The following ADK variants were observed in gnomAD, a reference collection of about 807,000 sequenced individuals.
ADK encodes the protein N6,N6-dimethyladenosine kinase.
In ADK, 24 loss-of-function variants were observed where a neutral mutation model predicts 44.7. The ratio of observed to expected loss-of-function variants is 0.54; its 90% CI spans 0.39 to 0.76. The LOEUF (loss-of-function observed/expected upper bound fraction) is 0.76, where lower values mean the gene tolerates loss of function less well. Ranked by LOEUF, ADK falls within the 30% of genes least tolerant of loss-of-function variation. The probability of loss-of-function intolerance (pLI) is 0.00; values close to 1 mark genes in which losing one functional copy is unlikely to be tolerated. For synonymous variants in ADK, 128 were observed against 142.6 expected (o/e 0.90, Z 0.73); for missense variants, 321 against 425.1 (o/e 0.76, Z 2.15).
intron 6 of ADK, among the ~76,000 whole-genome samples, chr10:74,416,203 A>G (rs1294395046): frequency 6.6e-6 from 1 of 151,958 alleles, no homozygotes; most frequent in Non-Finnish European, 1.5e-5. Flanking sequence ...AAATGAGAGG[A>G]CAACGTTTTT....
intron 6 of ADK, among the ~76,000 whole-genome samples, chr10:74,463,818 CTAA>C (rs1160306191): frequency 2.0e-5 from 3 of 151,872 alleles, no homozygotes; most frequent in Non-Finnish European, 2.9e-5. Flanking sequence ...TTACGTCTTT[CTAA>C]ACTGCCTTAA....
At chr10:74,686,302 T>C (rs1249838363) in intron 10 of ADK, among the ~76,000 whole-genome samples, 1 of 152,178 alleles carries the variant, frequency 6.6e-6, no homozygotes, top group Non-Finnish European at 1.5e-5. Flanking sequence ...CATTAACTAG[T>C]TGTGGGACTG....
At chr10:74,520,457 T>C (rs901611977) in intron 6 of ADK, among the ~76,000 whole-genome samples, 3 of 151,980 alleles carry the variant, frequency 2.0e-5, no homozygotes, top group Non-Finnish European at 4.4e-5. Flanking sequence ...CATAGTTGTG[T>C]ATGCACACAT....
At chr10:74,369,438 T>A (rs1320877610) in intron 4 of ADK, among the ~76,000 whole-genome samples, 1 of 152,228 alleles carries the variant, frequency 6.6e-6, no homozygotes, top group African/African-American at 2.4e-5. Flanking sequence ...AGTATTTTTT[T>A]ATTCATTAAA....
rs200462579 is a variant in ADK at position 74,321,238 on chromosome 10, A to AT, written c.273+6501dup. Among the ~76,000 whole-genome samples, 19 of 151,560 alleles carry AT rather than the reference A, an allele frequency of 1.3e-4. No homozygotes were observed. The East Asian group carries it at 1.9e-3, about 15-fold the overall frequency. On this transcript the variant is annotated intron_variant, in intron 4 of 10. Transcript: ENST00000539909. ...ATATAAGCAGGTAATCATTTGAATCATTTTTTTTCCTGTAATTATTATAAC... is the reference window on the plus strand; with the variant it reads ...ATATAAGCAGGTAATCATTTGAATCATTTTTTTTTCCTGTAATTATTATAAC...
chr10:74,607,277 T>A (rs1241915317), intron 9 of ADK, among the ~76,000 whole-genome samples: 1 of 152,232 alleles, frequency 6.6e-6, no homozygotes, highest in Admixed American at 6.5e-5. Flanking sequence ...GTCATTATGA[T>A]GCTAGCTGGT....
chr10:74,587,596 C>A (rs1041089689), intron 7 of ADK, among the ~76,000 whole-genome samples: 1 of 152,180 alleles, frequency 6.6e-6, no homozygotes, highest in Non-Finnish European at 1.5e-5. Flanking sequence ...CCTTACATGG[C>A]TTGATGCTAC....
At chr10:74,528,051 CTT>C in intron 7 of ADK, 1 of 966,796 alleles carries the variant, frequency 1.0e-6, no homozygotes, top group Non-Finnish European at 1.7e-6. Flanking sequence ...AGAGTAAACT[CTT>C]AAGATAAAAT....
At chr10:74,595,176 CA>C (rs781407492) in intron 8 of ADK, among the ~76,000 whole-genome samples, 1,560 of 29,606 alleles carry the variant, frequency 0.053, 15 homozygotes, top group African/African-American at 0.13. Context: ...AACTCCATCT[CA>C]AAAAAAAAAA....
intron 2 of ADK, among the ~76,000 whole-genome samples, chr10:74,210,328 A>G (rs1428005092): frequency 1.1e-5 from 1 of 88,704 alleles, no homozygotes; most frequent in Non-Finnish European, 2.4e-5. Context: ...ACTCCATCTC[A>G]GGAAAAAAAA....
At position 74,554,783 on chromosome 10, in the gene ADK, T is replaced by TAAA. The variant is rs530734494; in HGVS notation, c.726+29371_726+29373dup. 1.4e-3 allele frequency among the ~76,000 whole-genome samples: 197 copies of TAAA among 137,966 alleles called. 1 individual carries two copies. The highest frequency in any genetic ancestry group is 4.8e-3 in the African/African-American group (183 of 37,752). The allele number at this position is 137,966 out of a possible 152,430, so 90.5% of individuals were successfully genotyped here. A position where few individuals can be genotyped will look rare whatever the true frequency, so the allele number is the denominator to read the frequency against. On this transcript the variant is annotated intron_variant, in intron 7 of 10. Coordinates refer to ENST00000539909, the MANE Select transcript of ADK (RefSeq NM_006721.4). The stretch of plus-strand genomic sequence containing the variant: ...AACATGGCAAGACCTTGTCTCTATT[T>TAAA]AAAAAAAAAAAAAAAATTGTTGTAG...
intron 1 of ADK, among the ~76,000 whole-genome samples, chr10:74,154,572 C>T (rs1470631067): frequency 6.6e-6 from 1 of 152,040 alleles, no homozygotes. Context: ...CCCTGCCTTC[C>T]CAGACCTTAA....
At chr10:74,356,187 T>G (rs1842143243) in intron 4 of ADK, among the ~76,000 whole-genome samples, 1 of 147,440 alleles carries the variant, frequency 6.8e-6, no homozygotes, top group Non-Finnish European at 1.5e-5. Flanking sequence ...CCCGGCTAAT[T>G]TTTTGTATTT....
chr10:74,406,117 C>G (rs1200487674), intron 6 of ADK, among the ~76,000 whole-genome samples: 2 of 152,176 alleles, frequency 1.3e-5, no homozygotes, highest in African/African-American at 4.8e-5. Flanking sequence ...TGGCTGACCT[C>G]CATTGTTTCC....
At chr10:74,302,090 G>GGTTTTTT (rs1840055915) in intron 3 of ADK, among the ~76,000 whole-genome samples, 1 of 17,032 alleles carries the variant, frequency 5.9e-5, no homozygotes, top group African/African-American at 2.6e-4. Flanking sequence ...TTTCTTTTCT[G>GGTTTTTT]TTTTTTTTTT....
intron 10 of ADK, among the ~76,000 whole-genome samples, chr10:74,696,497 C>G (rs1856212305): frequency 1.3e-5 from 2 of 151,686 alleles, no homozygotes; most frequent in South Asian, 4.2e-4. Flanking sequence ...TCCCGAGTAG[C>G]TGGGACTACA....
intron 3 of ADK, among the ~76,000 whole-genome samples, chr10:74,279,775 G>A (rs543891867): frequency 1.1e-4 from 17 of 151,994 alleles, no homozygotes; most frequent in Non-Finnish European, 2.1e-4. Flanking sequence ...GCTCAGGTCT[G>A]TAATCCCAGC....
chr10:74,657,322 C>T (rs771301676), intron 9 of ADK, among the ~76,000 whole-genome samples: 4 of 152,286 alleles, frequency 2.6e-5, no homozygotes, highest in South Asian at 4.1e-4. Context: ...AGAATGTGTT[C>T]AGCACAGTTA....
At chr10:74,197,711 G>A (rs9730888) in intron 1 of ADK, among the ~76,000 whole-genome samples, 4,097 of 139,888 alleles carry the variant, frequency 0.029, 178 homozygotes, top group African/African-American at 0.097. Flanking sequence ...AAAAAAAAAA[G>A]AAAAAAAAAA....
Sources: allele counts gnomAD v4.1 joint callset (sites outside exome capture counted in the v4.1 genomes callset), GRCh38; gene constraint gnomAD v4.1.1; transcripts MANE v1.5; gene names NCBI Gene and HGNC (gene_info 2026-07-23, HGNC 2026-07-21).